Variants in DMD observed in about 807,000 individuals in gnomAD.
DMD encodes mutant dystrophin.
Under a neutral mutation model 330.1 loss-of-function variants are expected in DMD, and 63 were observed. The observed-to-expected ratio is 0.19, with a 90% CI of 0.16 to 0.24. The LOEUF (loss-of-function observed/expected upper bound fraction) is 0.24. DMD is among the 10% of genes least tolerant of loss of function. DMD has a pLI of 1.00. For synonymous variants in DMD, 1,223 were observed against 959.8 expected (o/e 1.27, Z -5.07); for missense variants, 3,344 against 2,684.1 (o/e 1.25, Z -5.43).
chrX:32,998,864 T>C (rs919733924), intron 2 of DMD, among the ~76,000 whole-genome samples: 1 of 112,031 alleles, frequency 8.9e-6, no homozygotes, highest in Admixed American at 9.5e-5. Flanking sequence ...ATTTCTTGGG[T>C]ACTTACTAAA....
chrX:31,160,378 T>A (rs1479943460), intron 74 of DMD, among the ~76,000 whole-genome samples: 1 of 111,338 alleles, frequency 9.0e-6, no homozygotes, highest in Non-Finnish European at 1.9e-5. Context: ...AAAGTTACTT[T>A]TGTGCGAAAA....
chrX:32,077,040 A>T lies in DMD; in HGVS notation c.6439-108526T>A, dbSNP rs181221901. Among the ~76,000 whole-genome samples, 35 of 112,172 alleles carry T rather than the reference A, an allele frequency of 3.1e-4. No individual in the cohort carries two copies. In the East Asian group the frequency reaches 8.7e-3, roughly 28 times the overall value. Reference sequence around the variant, plus strand: ...AGGCAATGAGTGCCTTGCTATGACAATGTTATATATTTACAATTAGGTGAA... The same window carrying T: ...AGGCAATGAGTGCCTTGCTATGACATTGTTATATATTTACAATTAGGTGAA... On this transcript the variant is annotated intron_variant, in intron 44 of 78. Coordinates refer to ENST00000357033, the MANE Select transcript of DMD (RefSeq NM_004006.3).
In DMD at chrX:31,461,470, T is replaced by C. The variant is rs190011457; in HGVS notation, c.8937+16636A>G. 4.6e-4 allele frequency among the ~76,000 whole-genome samples: 51 copies of C among 111,977 alleles called. No homozygotes were observed. In the East Asian group the frequency reaches 9.3e-3, roughly 20 times the overall value. On this transcript the variant is annotated intron_variant, in intron 59 of 78. Transcript: ENST00000357033. ...ATGCTGAGGTGAGAACCATTGCCAC[T>C]GAAAATTCTTGACATTCTCAATGAT... is the stretch of plus-strand genomic sequence containing the variant.
intron 1 of DMD, among the ~76,000 whole-genome samples, chrX:33,071,490 C>T (rs1283636102): frequency 9.3e-6 from 1 of 107,599 alleles, no homozygotes; most frequent in African/African-American, 3.4e-5. Flanking sequence ...TTTGATAATG[C>T]ATAGGAAAGA....
chrX:32,406,630 T>C (rs2098118415), intron 30 of DMD, among the ~76,000 whole-genome samples: 1 of 111,271 alleles, frequency 9.0e-6, no homozygotes, highest in Admixed American at 9.6e-5. Context: ...ATAAGCTTTT[T>C]GATGTGCTGC....
chrX:31,841,834 C>T (rs2093323754), intron 48 of DMD, among the ~76,000 whole-genome samples: 1 of 112,303 alleles, frequency 8.9e-6, no homozygotes. Flanking sequence ...GTTGATAATG[C>T]ACCTGGTCAG....
At chrX:31,970,311 C>T (rs2095387505) in intron 44 of DMD, among the ~76,000 whole-genome samples, 1 of 110,424 alleles carries the variant, frequency 9.1e-6, no homozygotes, top group African/African-American at 3.3e-5. Flanking sequence ...AGTTCAGGCT[C>T]ATCATCACCA....
intron 63 of DMD, among the ~76,000 whole-genome samples, chrX:31,223,653 G>A (rs936089056): frequency 2.7e-5 from 3 of 111,427 alleles, no homozygotes; most frequent in Non-Finnish European, 5.7e-5. Flanking sequence ...TCAAAAATAG[G>A]CACAACTGGC....
At chrX:31,618,755 C>G (rs1382728621) in intron 55 of DMD, among the ~76,000 whole-genome samples, 1 of 111,485 alleles carries the variant, frequency 9.0e-6, no homozygotes, top group Non-Finnish European at 1.9e-5. Flanking sequence ...AATTTTTGAG[C>G]GCCGACATGA....
intron 47 of DMD, among the ~76,000 whole-genome samples, chrX:31,876,699 CA>C (rs1187715444): frequency 2.9e-5 from 3 of 104,756 alleles, no homozygotes; most frequent in Non-Finnish European, 3.9e-5. Flanking sequence ...AAAAAAAAAA[CA>C]AAAAAAACAA....
intron 52 of DMD, among the ~76,000 whole-genome samples, chrX:31,716,280 C>T (rs991042770): frequency 5.3e-5 from 6 of 112,373 alleles, no homozygotes; most frequent in Non-Finnish European, 1.1e-4. Context: ...GGCCAGGAGC[C>T]GTGGCTCACG....
chrX:31,986,640 G>A (rs1268257785), intron 44 of DMD, among the ~76,000 whole-genome samples: 3 of 111,253 alleles, frequency 2.7e-5, no homozygotes, highest in Non-Finnish European at 5.7e-5. Context: ...TCGATCTCTT[G>A]ACCTCGTGAT....
intron 7 of DMD, among the ~76,000 whole-genome samples, chrX:32,795,796 G>T (rs1485792098): frequency 9.0e-6 from 1 of 111,300 alleles, no homozygotes; most frequent in Non-Finnish European, 1.9e-5. Flanking sequence ...AATGGACAAA[G>T]GACAATAATA....
At chrX:32,071,208 A>T (rs1185684539) in intron 44 of DMD, among the ~76,000 whole-genome samples, 1 of 110,154 alleles carries the variant, frequency 9.1e-6, no homozygotes, top group Non-Finnish European at 1.9e-5. Flanking sequence ...TCAAATGGTA[A>T]TTCTAGTTCT....
intron 7 of DMD, among the ~76,000 whole-genome samples, chrX:32,808,021 C>T (rs1021471186): frequency 9.0e-6 from 1 of 111,409 alleles, no homozygotes; most frequent in African/African-American, 3.3e-5. Context: ...GGTTGAAGTC[C>T]GTATTTTCAT....
At chrX:33,053,136 T>C (rs1006165788) in intron 1 of DMD, among the ~76,000 whole-genome samples, 1 of 111,753 alleles carries the variant, frequency 8.9e-6, no homozygotes, top group Non-Finnish European at 1.9e-5. Context: ...TGTGTCATAA[T>C]TACTCATTTA....
At chrX:32,636,826 G>A (rs749068040) in intron 11 of DMD, among the ~76,000 whole-genome samples, 201 of 109,194 alleles carry the variant, frequency 1.8e-3, no homozygotes, top group African/African-American at 6.2e-3. Flanking sequence ...GTGAAACCCC[G>A]TCTCTACTAA....
chrX:33,002,733 G>A (rs921111940), intron 2 of DMD, among the ~76,000 whole-genome samples: 5 of 106,818 alleles, frequency 4.7e-5, no homozygotes, highest in African/African-American at 1.7e-4. Flanking sequence ...TTACTTAGGG[G>A]TGGAAAGTTA....
At position 31,608,666 on chromosome X, in the gene DMD, A is replaced by G. The variant is rs1471137204; in HGVS notation, c.8217+19007T>C. Among the ~76,000 whole-genome samples the G allele has an allele frequency of 2.7e-5, 3 of 111,460 alleles. No individual in the cohort carries two copies. In the Admixed American group the frequency reaches 2.9e-4, roughly 11 times the overall value. On this transcript the variant is annotated intron_variant, in intron 55 of 78. Transcript: ENST00000357033. ...AATGGCTAGTGCAGCCCTGCTGTTC[A>G]TGTCTTTTATCGTTTTCCTGAGACC... is the stretch of plus-strand genomic sequence containing the variant.
Sources: allele counts gnomAD v4.1 joint callset (sites outside exome capture counted in the v4.1 genomes callset), GRCh38; gene constraint gnomAD v4.1.1; transcripts MANE v1.5; gene names NCBI Gene and HGNC (gene_info 2026-07-23, HGNC 2026-07-21).